The following DEPDC1B variants were observed in gnomAD, a reference collection of about 807,000 sequenced individuals.
DEPDC1B encodes the protein DEP domain-containing protein 1B.
DEPDC1B carries 51 observed loss-of-function variants against 66.5 expected under a neutral mutation model. The observed-to-expected ratio is 0.77, with a 90% CI of 0.61 to 0.97. DEPDC1B has a LOEUF of 0.97. Among genes scored for constraint, DEPDC1B ranks in the 50% least tolerant of loss-of-function variants. The pLI is 0.00. For synonymous variants in DEPDC1B, 226 were observed against 223.6 expected (o/e 1.01, Z -0.10); for missense variants, 552 against 637.1 (o/e 0.87, Z 1.44).
intron 1 of DEPDC1B, among the ~76,000 whole-genome samples, chr5:60,698,227 G>A (rs920856539): frequency 5.9e-5 from 9 of 152,166 alleles, no homozygotes; most frequent in Non-Finnish European, 1.0e-4. Flanking sequence ...TAGAGTGTTC[G>A]CAAAGATGAG....
rs1481120069 is a variant in DEPDC1B, at chr5:60,605,831, T to C, written c.924A>G (p.Ala308=). Residue 308 remains alanine (A), a synonymous_variant, in exon 8 of 11, where the codon GCA becomes GCG. Transcript: ENST00000265036. ...VLGLLQKEKV[A]VEAFQICCLL... is the part of the protein sequence containing the mutation. ...GGCAGCAAATCTGAAATGCTTCAAC[T>C]GCCACTTTCTCCTTCTGTAACAAAC... The C allele has an allele frequency of 6.2e-7, 1 of 1,611,958 alleles. No homozygotes were observed. The highest frequency in any genetic ancestry group is 1.7e-5 in the Admixed American group (1 of 59,792).
chr5:60,606,609 C>CAAA lies in DEPDC1B; in HGVS notation c.899-756_899-754dup, dbSNP rs60544270. Among the ~76,000 whole-genome samples, 89 of 46,572 alleles carry CAAA rather than the reference C, an allele frequency of 1.9e-3. 2 individuals carry two copies. Among genetic ancestry groups the CAAA allele is most frequent in the East Asian group, 5.3e-3 (7 of 1,330 alleles). 30.6% of individuals were successfully genotyped at this position (46,572 alleles called of 152,430 possible). A position where few individuals can be genotyped will look rare whatever the true frequency, so the allele number is the denominator to read the frequency against. On this transcript the variant is annotated intron_variant, in intron 7 of 10. Coordinates refer to ENST00000265036, the MANE Select transcript of DEPDC1B (RefSeq NM_018369.3). ...GCAACATAGTGAGAACCCATTTCTA[C>CAAA]AAAAAAAAAAAAAAAAAAAAAAAAA...
intron 1 of DEPDC1B, among the ~76,000 whole-genome samples, chr5:60,694,913 T>C (rs576727142): frequency 6.6e-6 from 1 of 152,334 alleles, no homozygotes; most frequent in South Asian, 2.1e-4. Flanking sequence ...TTTCTTTACA[T>C]AGTCTCTAGC....
At chr5:60,682,206 T>C (rs570847651) in intron 2 of DEPDC1B, among the ~76,000 whole-genome samples, 34 of 152,142 alleles carry the variant, frequency 2.2e-4, no homozygotes, top group Non-Finnish European at 4.4e-4. Flanking sequence ...TGAGTTCATG[T>C]CCTTTGTAGG....
At position 60,700,031 on chromosome 5, in the gene DEPDC1B, A is replaced by T. The variant is rs1206772479; in HGVS notation, c.48+15T>A. On this transcript the variant is annotated intron_variant, in intron 1 of 10. Coordinates refer to ENST00000265036, the MANE Select transcript of DEPDC1B (RefSeq NM_018369.3). ...GCACCGGGTGCTCCGCCCAGGCCCCAGCACACTCACTCACCAGCCTGGTAG... is the reference window on the plus strand; with the variant it reads ...GCACCGGGTGCTCCGCCCAGGCCCCTGCACACTCACTCACCAGCCTGGTAG... 1 of 1,552,382 alleles carries T rather than the reference A, an allele frequency of 6.4e-7. No homozygotes were observed. The highest frequency in any genetic ancestry group is 1.4e-5 in the African/African-American group (1 of 73,144).
chr5:60,599,356 G>T (rs898979761), intron 9 of DEPDC1B, 96 bp from the exon 10 acceptor site: 2 of 896,168 alleles, frequency 2.2e-6, no homozygotes, highest in African/African-American at 3.5e-5. Flanking sequence ...TCCTTGTACC[G>T]TAGCAATGCC....
chr5:60,677,187 T>C (rs1305641663), intron 2 of DEPDC1B, among the ~76,000 whole-genome samples: 2 of 152,096 alleles, frequency 1.3e-5, no homozygotes, highest in Admixed American at 1.3e-4. Context: ...AAAATAGATA[T>C]GTCAACCCAA....
At chr5:60,673,393 A>T (rs545295697) in intron 2 of DEPDC1B, among the ~76,000 whole-genome samples, 1 of 152,302 alleles carries the variant, frequency 6.6e-6, no homozygotes, top group East Asian at 1.9e-4. Flanking sequence ...GATGCCTGAG[A>T]AAGGAGAGGA....
At chr5:60,598,981 A>G (rs1752148348) in intron 10 of DEPDC1B, 94 bp downstream of exon 10, 2 of 1,099,086 alleles carry the variant, frequency 1.8e-6, no homozygotes, top group Middle Eastern at 3.1e-4. Context: ...TATGGCTCAG[A>G]AGATGAGATT....
At chr5:60,673,672 C>T (rs1193597499) in intron 2 of DEPDC1B, among the ~76,000 whole-genome samples, 1 of 152,208 alleles carries the variant, frequency 6.6e-6, no homozygotes, top group East Asian at 1.9e-4. Flanking sequence ...CTTTCAACAA[C>T]TTTTATAAAT....
At chr5:60,680,863 C>A (rs1754281398) in intron 2 of DEPDC1B, among the ~76,000 whole-genome samples, 1 of 151,846 alleles carries the variant, frequency 6.6e-6, no homozygotes. Flanking sequence ...TAAACTAAGT[C>A]AACCTCATGT....
rs1752294282 is a variant in DEPDC1B, at chr5:60,605,687, T to C, written c.1065+3A>G. On this transcript the variant is annotated splice_donor_region_variant and intron_variant, in intron 8 of 10. Transcript: ENST00000265036. ...TCATACCTGATGTTAAAAATCAACC[T>C]ACCAGTGTTCGGGTACCAAAGCCAT... 1.2e-6 allele frequency: 2 copies of C among 1,610,120 alleles called. No homozygotes were observed. The highest frequency in any genetic ancestry group is 1.3e-5 in the African/African-American group (1 of 74,880).
chr5:60,602,296 T>C (rs1752217666), intron 9 of DEPDC1B, among the ~76,000 whole-genome samples: 1 of 151,012 alleles, frequency 6.6e-6, no homozygotes, highest in African/African-American at 2.5e-5. Flanking sequence ...CATTTTAGTG[T>C]AACTCTGATA....
At position 60,602,201 on chromosome 5, in the gene DEPDC1B, AG is replaced by A. The variant is rs780934856; in HGVS notation, c.1242+1189del. 4.6e-5 allele frequency among the ~76,000 whole-genome samples: 7 copies of A among 151,812 alleles called. No individual in the cohort carries two copies. In the South Asian group the frequency reaches 8.4e-4, roughly 18 times the overall value. ...AAGGGAGGGTGGGGAGGGAAGAGAG[AG>A]GGAAGAAAGTAAGGTAGGCATGGAC... On this transcript the variant is annotated intron_variant, in intron 9 of 10. Transcript: ENST00000265036.
At chr5:60,647,953 C>T (rs1209221182) in intron 2 of DEPDC1B, 2 of 153,254 alleles carry the variant, frequency 1.3e-5, no homozygotes, top group Non-Finnish European at 2.9e-5. Flanking sequence ...AACTAAAGAC[C>T]TTATCTCAAA....
intron 2 of DEPDC1B, among the ~76,000 whole-genome samples, chr5:60,673,813 G>A (rs1411721196): frequency 1.3e-5 from 2 of 152,162 alleles, no homozygotes; most frequent in Non-Finnish European, 2.9e-5. Context: ...AACTACTCTT[G>A]TTCAATCCCT....
intron 7 of DEPDC1B, among the ~76,000 whole-genome samples, chr5:60,622,053 CAT>C (rs547440396): frequency 2.5e-4 from 38 of 151,414 alleles, no homozygotes; most frequent in Middle Eastern, 3.4e-3. Flanking sequence ...CCTCAAATAA[CAT>C]GTGTTACTTT....
chr5:60,600,009 A>T (rs1334073375), intron 9 of DEPDC1B, among the ~76,000 whole-genome samples: 2 of 152,112 alleles, frequency 1.3e-5, no homozygotes, highest in East Asian at 3.9e-4. Flanking sequence ...TCCCTCTTTT[A>T]ACAAGATCTG....
chr5:60,676,316 A>T (rs1754159426), intron 2 of DEPDC1B, among the ~76,000 whole-genome samples: 1 of 151,146 alleles, frequency 6.6e-6, no homozygotes, highest in Admixed American at 6.6e-5. Flanking sequence ...CCAACACGGC[A>T]CATGTATACA....
Sources: allele counts gnomAD v4.1 joint callset (sites outside exome capture counted in the v4.1 genomes callset), GRCh38; gene constraint gnomAD v4.1.1; transcripts MANE v1.5; gene names NCBI Gene and HGNC (gene_info 2026-07-23, HGNC 2026-07-21).